SPG11: variants seen among roughly 807,000 people sequenced by gnomAD.
SPG11 encodes the protein spatacsin.
SPG11 carries 222 observed loss-of-function variants against 274.0 expected under a neutral mutation model. That is an observed-to-expected ratio of 0.81 (90% confidence interval 0.73 to 0.91). The LOEUF (loss-of-function observed/expected upper bound fraction) is 0.91, where lower values mean the gene tolerates loss of function less well. Among genes scored for constraint, SPG11 ranks in the 40% least tolerant of loss-of-function variants. SPG11 has a pLI of 0.00. For missense variants in SPG11, 3,114 were observed against 2,872.7 expected (o/e 1.08, Z -1.92); for synonymous variants, 1,144 against 1,039.7 (o/e 1.10, Z -1.93).
In SPG11 at chr15:44,580,447, T is replaced by G. The variant is rs565314546; in HGVS notation, c.5866+3367A>C. On this transcript the variant is annotated intron_variant, in intron 30 of 39. Coordinates refer to ENST00000261866, the MANE Select transcript of SPG11 (RefSeq NM_025137.4). ...TAGAAATAAAATTCAGTAACAGAAA[T>G]TATCCAATCTGAACAACAGAGAGAA... is the stretch of plus-strand genomic sequence containing the variant. 1.6e-4 allele frequency among the ~76,000 whole-genome samples: 25 copies of G among 152,272 alleles called. No individual in the cohort carries two copies. In the South Asian group the frequency reaches 5.0e-3, roughly 30 times the overall value.
chr15:44,597,489 CATCA>C (rs2140975305), intron 23 of SPG11, among the ~76,000 whole-genome samples: 1 of 152,294 alleles, frequency 6.6e-6, no homozygotes, highest in Non-Finnish European at 1.5e-5. Flanking sequence ...TTCCCCAAGT[CATCA>C]ATCAAGTACC....
chr15:44,591,202 T>C (rs1479002038), intron 27 of SPG11, among the ~76,000 whole-genome samples: 2 of 152,226 alleles, frequency 1.3e-5, no homozygotes, highest in Non-Finnish European at 2.9e-5. Context: ...TTTAAGGGAA[T>C]TATTATGAGA....
At chr15:44,592,226 C>T in intron 27 of SPG11, 105 bp downstream of exon 27, 1 of 737,206 alleles carries the variant, frequency 1.4e-6, no homozygotes, top group South Asian at 1.5e-5. Flanking sequence ...AACACTGTGC[C>T]TGAGTAACCG....
chr15:44,569,420 A>C lies in SPG11; in HGVS notation c.6563T>G (p.Leu2188Arg). The part of the protein sequence containing the change: ...LLHKKHYFEV[L>R]MRKKLDPSGT... ...TACCGGATCCAACTTCTTCCTCATTAGCACTTCAAAGTAGTGCTTTTTATG... is the reference window on the plus strand; with the variant it reads ...TACCGGATCCAACTTCTTCCTCATTCGCACTTCAAAGTAGTGCTTTTTATG... Residue 2188 changes from leucine (L) to arginine (R), a missense_variant, in exon 35 of 40, where the codon CTA becomes CGA. Transcript: ENST00000261866. 1 of 1,604,960 alleles carries C rather than the reference A, an allele frequency of 6.2e-7. No homozygotes were observed. Among genetic ancestry groups the C allele is most frequent in the Non-Finnish European group, 8.5e-7 (1 of 1,174,952 alleles).
intron 31 of SPG11, 136 bp from the exon 32 acceptor site, chr15:44,573,881 A>G: frequency 3.8e-6 from 3 of 782,264 alleles, no homozygotes; most frequent in Non-Finnish European, 6.5e-6. Flanking sequence ...CAGGAACCTT[A>G]GAAAAAGCAA....
intron 34 of SPG11, among the ~76,000 whole-genome samples, chr15:44,569,959 C>T (rs563986509): frequency 5.6e-4 from 85 of 152,304 alleles, no homozygotes; most frequent in African/African-American, 1.8e-3. Context: ...CCGCCTGCCT[C>T]GGCCTCCCAA....
chr15:44,572,826 C>G lies in SPG11; in HGVS notation c.6206-6G>C, dbSNP rs1298829081. On this transcript the variant is annotated splice_polypyrimidine_tract_variant and splice_region_variant and intron_variant, in intron 32 of 39. Coordinates refer to ENST00000261866, the MANE Select transcript of SPG11 (RefSeq NM_025137.4). ...GTTGAACATCTGCTTATGTCCTGTACAGAGAGGTGTGAAGACAGGTGCTGG... is the reference window on the plus strand; with the variant it reads ...GTTGAACATCTGCTTATGTCCTGTAGAGAGAGGTGTGAAGACAGGTGCTGG... 4.3e-6 allele frequency: 7 copies of G among 1,613,856 alleles called. No individual in the cohort carries two copies. The highest frequency in any genetic ancestry group is 5.1e-6 in the Non-Finnish European group (6 of 1,179,898).
At chr15:44,608,223 C>T (rs1335731986) in intron 19 of SPG11, among the ~76,000 whole-genome samples, 1 of 152,184 alleles carries the variant, frequency 6.6e-6, no homozygotes, top group African/African-American at 2.4e-5. Context: ...TCTGGTAACA[C>T]CACTTTTTTG....
At chr15:44,611,077 A>G in intron 17 of SPG11, 92 bp from the exon 18 acceptor site, 2 of 482,786 alleles carry the variant, frequency 4.1e-6, no homozygotes, top group Non-Finnish European at 6.7e-6. Flanking sequence ...ATAAATTTTT[A>G]ACTCTATCCC....
chr15:44,653,422 T>C (rs778403029), intron 4 of SPG11, among the ~76,000 whole-genome samples: 10 of 151,970 alleles, frequency 6.6e-5, no homozygotes, highest in South Asian at 2.1e-4. Context: ...CATGAGAAAA[T>C]AGTTCCCCCA....
chr15:44,604,931 CAA>C (rs908048525), intron 20 of SPG11, among the ~76,000 whole-genome samples: 30 of 22,478 alleles, frequency 1.3e-3, no homozygotes, highest in African/African-American at 4.9e-3. Flanking sequence ...ACTCCATCTC[CAA>C]AAAAAAAAAA....
chr15:44,562,990 C>G lies in SPG11; in HGVS notation c.*131G>C. Reference sequence around the variant, plus strand: ...AAAGTTTCTTACTTGCTACCTACTACCCACAAAGGACTGATATGGTACAGT... The same window carrying G: ...AAAGTTTCTTACTTGCTACCTACTAGCCACAAAGGACTGATATGGTACAGT... On this transcript the variant is annotated 3_prime_UTR_variant, in exon 40 of 40. Coordinates refer to ENST00000261866, the MANE Select transcript of SPG11 (RefSeq NM_025137.4). 1.2e-6 allele frequency: 1 copy of G among 847,416 alleles called. No individual in the cohort carries two copies. Among genetic ancestry groups the G allele is most frequent in the Non-Finnish European group, 1.9e-6 (1 of 530,906 alleles). 52.5% of individuals were successfully genotyped at this position (847,416 alleles called of 1,614,324 possible).
intron 11 of SPG11, among the ~76,000 whole-genome samples, chr15:44,623,527 T>G (rs890222005): frequency 6.6e-6 from 1 of 152,128 alleles, no homozygotes; most frequent in African/African-American, 2.4e-5. Context: ...GGAGCCCTAC[T>G]TCTAAGGCTT....
intron 39 of SPG11, among the ~76,000 whole-genome samples, chr15:44,563,518 A>C (rs933236392): frequency 1.1e-4 from 16 of 152,002 alleles, no homozygotes; most frequent in Non-Finnish European, 1.9e-4. Flanking sequence ...TTCTAATTTT[A>C]GTAGAGACAG....
chr15:44,632,789 G>A (rs1203316087), intron 8 of SPG11, among the ~76,000 whole-genome samples: 5 of 152,026 alleles, frequency 3.3e-5, no homozygotes, highest in Admixed American at 6.6e-5. Context: ...ATTACAGGGC[G>A]AGCCACTGCA....
At position 44,600,468 on chromosome 15, in the gene SPG11, GCTGCTTGGGAGT is replaced by G; in HGVS notation, c.3673_3684del (p.Thr1225_Gln1228del). Reference sequence around the variant, plus strand: ...CAAAATTATATTTTAAATACTCACAGCTGCTTGGGAGTCTTGCTCTTGATTAATTCCTGGACC... The same window carrying G: ...CAAAATTATATTTTAAATACTCACAGCTTGCTCTTGATTAATTCCTGGACC... On this transcript the variant is annotated inframe_deletion and splice_region_variant, in exon 21 of 40. Transcript: ENST00000261866. The G allele has an allele frequency of 6.2e-7, 1 of 1,613,884 alleles. No individual in the cohort carries two copies. Among genetic ancestry groups the G allele is most frequent in the South Asian group, 1.1e-5 (1 of 91,072 alleles).
intron 4 of SPG11, among the ~76,000 whole-genome samples, chr15:44,656,440 A>G (rs1466992485): frequency 6.6e-6 from 1 of 152,246 alleles, no homozygotes; most frequent in East Asian, 1.9e-4. Context: ...GATGGATCAC[A>G]GAATCTATGC....
intron 29 of SPG11, 92 bp from the exon 30 acceptor site, chr15:44,584,650 AC>A: frequency 6.8e-7 from 1 of 1,467,594 alleles, no homozygotes; most frequent in Non-Finnish European, 9.3e-7. Context: ...ACTTGTTTGG[AC>A]AGGGTCTCAG....
intron 32 of SPG11, 99 bp downstream of exon 32, chr15:44,573,448 C>G: frequency 7.8e-7 from 1 of 1,275,788 alleles, no homozygotes; most frequent in Non-Finnish European, 1.1e-6. Flanking sequence ...CTTGAGAGAA[C>G]CACATACAGG....
Sources: allele counts gnomAD v4.1 joint callset (sites outside exome capture counted in the v4.1 genomes callset), GRCh38; gene constraint gnomAD v4.1.1; transcripts MANE v1.5; gene names NCBI Gene and HGNC (gene_info 2026-07-23, HGNC 2026-07-21).